The following PPP1R16B variants were observed in gnomAD, a reference collection of about 807,000 sequenced individuals.
The protein encoded by PPP1R16B is protein phosphatase 1 regulatory subunit 16B, also known as protein phosphatase 1 regulatory inhibitor subunit 16B.
A neutral mutation model predicts 61.7 loss-of-function variants in PPP1R16B; 14 were observed. That is an observed-to-expected ratio of 0.23 (90% CI 0.15 to 0.35). The LOEUF (loss-of-function observed/expected upper bound fraction) is 0.35. Ranked by LOEUF, PPP1R16B falls within the 10% of genes least tolerant of loss-of-function variation. PPP1R16B has a pLI of 1.00. For synonymous variants in PPP1R16B, 266 were observed against 305.3 expected, an observed-to-expected ratio of 0.87 and a Z score of 1.34; for missense variants, 547 against 752.5, an observed-to-expected ratio of 0.73 and a Z score of 3.19.
chr20:38,908,695 A>G (rs887429103), intron 10 of PPP1R16B, among the ~76,000 whole-genome samples: 12 of 152,260 alleles, frequency 7.9e-5, no homozygotes, highest in African/African-American at 2.7e-4. Flanking sequence ...GTAGCAGCCA[A>G]TGGTCCTTTA....
At chr20:38,893,534 C>T (rs939574193) in intron 3 of PPP1R16B, among the ~76,000 whole-genome samples, 7 of 150,776 alleles carry the variant, frequency 4.6e-5, no homozygotes, top group African/African-American at 2.4e-5. Flanking sequence ...AGGAGATGTG[C>T]AATTCATACC....
At chr20:38,848,801 C>T (rs1568661208) in intron 2 of PPP1R16B, among the ~76,000 whole-genome samples, 1 of 152,028 alleles carries the variant, frequency 6.6e-6, no homozygotes, top group African/African-American at 2.4e-5. Flanking sequence ...CACACTGGGT[C>T]CCTATTGGAG....
At chr20:38,848,495 G>C (rs1370452790) in intron 2 of PPP1R16B, among the ~76,000 whole-genome samples, 1 of 152,030 alleles carries the variant, frequency 6.6e-6, no homozygotes, top group South Asian at 2.1e-4. Flanking sequence ...CATCCTTGTA[G>C]GTTTATATTG....
intron 1 of PPP1R16B, among the ~76,000 whole-genome samples, chr20:38,810,101 T>A (rs2084690724): frequency 6.6e-6 from 1 of 151,080 alleles, no homozygotes; most frequent in Non-Finnish European, 1.5e-5. Flanking sequence ...TTATTGCCAA[T>A]AACAGGTGGG....
At position 38,835,906 on chromosome 20, in the gene PPP1R16B, C is replaced by T. The variant is rs923075190; in HGVS notation, c.-20C>T. 7.2e-6 allele frequency: 11 copies of T among 1,525,748 alleles called. No individual in the cohort carries two copies. The Admixed American group carries it at 2.2e-4, about 30-fold the overall frequency. The allele number at this position is 1,525,748 out of a possible 1,614,324, so 94.5% of individuals were successfully genotyped here. ...GCACCGTGCTAGCCCCCAGCCAGGG[C>T]GTTGGGGAGGGCGGTGGCCATGGCC... On this transcript the variant is annotated 5_prime_UTR_variant, in exon 2 of 11. Transcript: ENST00000299824.
At chr20:38,881,294 G>T (rs565806883) in intron 2 of PPP1R16B, among the ~76,000 whole-genome samples, 1 of 152,230 alleles carries the variant, frequency 6.6e-6, no homozygotes, top group South Asian at 2.1e-4. Flanking sequence ...TGGGTGGAAA[G>T]GTTTCAATTG....
rs2085042403 is a variant in PPP1R16B at position 38,860,562 on chromosome 20, A to G, written c.250+24387A>G. On this transcript the variant is annotated intron_variant, in intron 2 of 10. Transcript: ENST00000299824. ...CATTCAGGTTGGAGGTGGAGATTGC[A>G]GGGGAGGGATCTGCAGGCCAGATCT... Among the ~76,000 whole-genome samples the G allele has an allele frequency of 2.6e-5, 4 of 152,302 alleles. 1 individual carries two copies. Among genetic ancestry groups the G allele is most frequent in the Admixed American group, 1.3e-4 (2 of 15,292 alleles).
At chr20:38,811,680 C>T (rs933297551) in intron 1 of PPP1R16B, among the ~76,000 whole-genome samples, 8 of 152,210 alleles carry the variant, frequency 5.3e-5, no homozygotes, top group African/African-American at 1.4e-4. Context: ...GTTTGACCCT[C>T]CCCAGGGGAT....
chr20:38,809,008 G>A (rs1485766270), intron 1 of PPP1R16B, among the ~76,000 whole-genome samples: 1 of 151,098 alleles, frequency 6.6e-6, no homozygotes, highest in African/African-American at 2.4e-5. Context: ...ACTCCAGCCT[G>A]GGTGACAGAG....
chr20:38,900,532 C>G (rs780852925), intron 4 of PPP1R16B, 49 bp from the exon 5 acceptor site: 4 of 1,496,448 alleles, frequency 2.7e-6, no homozygotes, highest in Admixed American at 4.0e-5. Context: ...GCAGCTAGAC[C>G]AACCCTAGCC....
At chr20:38,859,352 G>T (rs2085031473) in intron 2 of PPP1R16B, among the ~76,000 whole-genome samples, 2 of 152,088 alleles carry the variant, frequency 1.3e-5, no homozygotes, top group East Asian at 3.9e-4. Context: ...GATTGTGGTG[G>T]TGGTTGCAAC....
intron 2 of PPP1R16B, among the ~76,000 whole-genome samples, chr20:38,886,585 G>C (rs767225406): frequency 1.3e-5 from 2 of 152,210 alleles, no homozygotes; most frequent in African/African-American, 4.8e-5. Flanking sequence ...CCACTCACCC[G>C]TGGGCAGGTT....
chr20:38,907,350 G>T lies in PPP1R16B; in HGVS notation c.898+296G>T, dbSNP rs1334243732. Among the ~76,000 whole-genome samples, 1 of 151,846 alleles carries T rather than the reference G, an allele frequency of 6.6e-6. No individual in the cohort carries two copies. Among genetic ancestry groups the T allele is most frequent in the Non-Finnish European group, 1.5e-5 (1 of 67,942 alleles). ...GGATGGATGGATGGATGGATGGATA[G>T]ACAGAAAAATAAGTGGATGAGTGGG... On this transcript the variant is annotated intron_variant, in intron 8 of 10. Coordinates refer to ENST00000299824, the MANE Select transcript of PPP1R16B (RefSeq NM_015568.4). The surrounding 1 kb of genome is among the most constrained non-coding windows in gnomAD (Gnocchi z 4.5).
At chr20:38,862,512 T>C (rs998068300) in intron 2 of PPP1R16B, among the ~76,000 whole-genome samples, 6 of 151,728 alleles carry the variant, frequency 4.0e-5, no homozygotes, top group African/African-American at 1.5e-4. Flanking sequence ...TGAAAGCAAA[T>C]GTAGAGAGAA....
At chr20:38,836,997 A>C (rs1261265005) in intron 2 of PPP1R16B, among the ~76,000 whole-genome samples, 1 of 152,202 alleles carries the variant, frequency 6.6e-6, no homozygotes, top group African/African-American at 2.4e-5. Flanking sequence ...CTCCCCACCA[A>C]AAGCTCAATA....
In PPP1R16B at chr20:38,907,418, TA is replaced by T. The variant is rs11475068; in HGVS notation, c.898+365del. Reference sequence around the variant, plus strand: ...AATACATGGCTCAGTCAGCAATAGGTAGATAGATGGATGAAGGGGTTAGGTA... The same window carrying T: ...AATACATGGCTCAGTCAGCAATAGGTGATAGATGGATGAAGGGGTTAGGTA... On this transcript the variant is annotated intron_variant, in intron 8 of 10. Transcript: ENST00000299824. The surrounding 1 kb of genome is among the most constrained non-coding windows in gnomAD (Gnocchi z 4.5). Among the ~76,000 whole-genome samples, 1,626 of 152,150 alleles carry T rather than the reference TA, an allele frequency of 0.011. 28 individuals carry two copies. Among genetic ancestry groups the T allele is most frequent in the African/African-American group, 0.038 (1,567 of 41,504 alleles).
chr20:38,880,368 CAG>C (rs1436141300), intron 2 of PPP1R16B, among the ~76,000 whole-genome samples: 1 of 152,098 alleles, frequency 6.6e-6, no homozygotes, highest in African/African-American at 2.4e-5. Flanking sequence ...GAAGTGAAGA[CAG>C]AGAAAGACAG....
At chr20:38,836,240 A>G (rs915471097) in intron 2 of PPP1R16B, 65 bp downstream of exon 2, 26 of 1,556,592 alleles carry the variant, frequency 1.7e-5, no homozygotes, top group Non-Finnish European at 2.0e-5. Flanking sequence ...TTTGGAATCC[A>G]GGTTCTGTGC....
chr20:38,806,644 CG>C lies in PPP1R16B; in HGVS notation c.-102+855del, dbSNP rs927264270. The stretch of plus-strand genomic sequence containing the variant: ...CCAGGCTGAGCTGCCCAGACCGCCC[CG>C]GGTGGAGAGCCGGGAGGCAGGCGCT... On this transcript the variant is annotated intron_variant, in intron 1 of 10. Coordinates refer to ENST00000299824, the MANE Select transcript of PPP1R16B (RefSeq NM_015568.4). This position sits in a 1 kb window ranked among gnomAD's most constrained non-coding sequence, Gnocchi z 4.5. Among the ~76,000 whole-genome samples, 1 of 152,162 alleles carries C rather than the reference CG, an allele frequency of 6.6e-6. No homozygotes were observed. Among genetic ancestry groups the C allele is most frequent in the Non-Finnish European group, 1.5e-5 (1 of 68,024 alleles).
Sources: allele counts gnomAD v4.1 joint callset (sites outside exome capture counted in the v4.1 genomes callset), GRCh38; gene constraint gnomAD v4.1.1; non-coding constraint Gnocchi (gnomAD v3.1); transcripts MANE v1.5; gene names NCBI Gene and HGNC (gene_info 2026-07-23, HGNC 2026-07-21).